The following SUSD6 variants were observed in gnomAD, a reference collection of about 807,000 sequenced individuals.
The protein encoded by SUSD6 is sushi domain containing 6, also known as sushi domain-containing protein 6.
A neutral mutation model predicts 28.4 loss-of-function variants in SUSD6; 16 were observed. The ratio of observed to expected loss-of-function variants is 0.56; its 90% CI spans 0.38 to 0.86. SUSD6 has a LOEUF of 0.86. SUSD6 is among the 40% of genes least tolerant of loss of function. The pLI is 0.00. For missense variants in SUSD6, 341 were observed against 384.2 expected, an observed-to-expected ratio of 0.89 and a Z score of 0.94; for synonymous variants, 147 against 159.6, an observed-to-expected ratio of 0.92 and a Z score of 0.59.
At chr14:69,629,961 A>T (rs540104639) in intron 1 of SUSD6, among the ~76,000 whole-genome samples, 1 of 152,174 alleles carries the variant, frequency 6.6e-6, no homozygotes, top group African/African-American at 2.4e-5. Context: ...TCTCATTTGC[A>T]TGGTTGTTGA....
chr14:69,655,071 GCATGAGC>G (rs1320934272), intron 1 of SUSD6, among the ~76,000 whole-genome samples: 1 of 151,724 alleles, frequency 6.6e-6, no homozygotes, highest in African/African-American at 2.4e-5. Context: ...GGGATTATAG[GCATGAGC>G]CACTGTGCCC....
Position 69,713,828 on chromosome 14 carries a change from T to A in SUSD6, c.*2849T>A, listed in dbSNP as rs1349376431. 6.8e-6 allele frequency: 1 copy of A among 147,090 alleles called. No individual in the cohort carries two copies. The highest frequency in any genetic ancestry group is 1.5e-5 in the Non-Finnish European group (1 of 67,364). 9.1% of individuals were successfully genotyped at this position (147,090 alleles called of 1,614,324 possible). A position where few individuals can be genotyped will look rare whatever the true frequency, so the allele number is the denominator to read the frequency against. On this transcript the variant is annotated 3_prime_UTR_variant, in exon 6 of 6. Coordinates refer to ENST00000342745, the MANE Select transcript of SUSD6 (RefSeq NM_014734.4). ...TTGGGTTTTTTTGTTTGTTTGTTGT[T>A]GGTGTTTGTTTTTTTTTTTTTTTTT...
rs1398806996 is a variant in SUSD6 at position 69,715,096 on chromosome 14, T to C, written c.*4117T>C. The C allele has an allele frequency of 1.3e-5, 2 of 152,212 alleles. No homozygotes were observed. Among genetic ancestry groups the C allele is most frequent in the African/African-American group, 2.4e-5 (1 of 41,452 alleles). 9.4% of individuals were successfully genotyped at this position (152,212 alleles called of 1,614,324 possible). ...TTAATTTAATTTTAATTGTTCTATG[T>C]ATATAACTGCATTTCTAAATAATTA... is the stretch of plus-strand genomic sequence containing the variant. On this transcript the variant is annotated 3_prime_UTR_variant, in exon 6 of 6. Coordinates refer to ENST00000342745, the MANE Select transcript of SUSD6 (RefSeq NM_014734.4).
At chr14:69,641,419 A>G (rs1163106784) in intron 1 of SUSD6, among the ~76,000 whole-genome samples, 4 of 151,768 alleles carry the variant, frequency 2.6e-5, no homozygotes, top group Non-Finnish European at 5.9e-5. Context: ...CAGTTCAGTG[A>G]TGTTCTGTTC....
chr14:69,687,944 A>T (rs1886097647), intron 2 of SUSD6, among the ~76,000 whole-genome samples: 1 of 152,016 alleles, frequency 6.6e-6, no homozygotes, highest in Admixed American at 6.6e-5. Flanking sequence ...TAGTCTCAGC[A>T]GTATAAATAC....
At chr14:69,673,600 T>C (rs1319761511) in intron 2 of SUSD6, among the ~76,000 whole-genome samples, 1 of 152,080 alleles carries the variant, frequency 6.6e-6, no homozygotes, top group Non-Finnish European at 1.5e-5. Flanking sequence ...GGCAGATGTA[T>C]CTCTTCTCCA....
intron 2 of SUSD6, among the ~76,000 whole-genome samples, chr14:69,673,118 C>A (rs1235038545): frequency 6.6e-6 from 1 of 152,200 alleles, no homozygotes; most frequent in Non-Finnish European, 1.5e-5. Flanking sequence ...AGGTTTGAAA[C>A]TCTAGAGGTC....
At chr14:69,647,890 C>T (rs1011945732) in intron 1 of SUSD6, among the ~76,000 whole-genome samples, 3 of 151,960 alleles carry the variant, frequency 2.0e-5, no homozygotes, top group South Asian at 2.1e-4. Context: ...GTGGCTGAGG[C>T]GTGAGAATCA....
chr14:69,650,385 G>C (rs781521345), intron 1 of SUSD6, among the ~76,000 whole-genome samples: 1 of 152,172 alleles, frequency 6.6e-6, no homozygotes, highest in Non-Finnish European at 1.5e-5. Flanking sequence ...GACGGCGACT[G>C]TACCTAGACC....
At chr14:69,662,976 G>T (rs1376274679) in intron 2 of SUSD6, among the ~76,000 whole-genome samples, 1 of 152,182 alleles carries the variant, frequency 6.6e-6, no homozygotes, top group Non-Finnish European at 1.5e-5. Flanking sequence ...GTTACAAGGT[G>T]CAGTAGACTT....
chr14:69,686,057 T>C (rs1886068409), intron 2 of SUSD6, among the ~76,000 whole-genome samples: 1 of 152,112 alleles, frequency 6.6e-6, no homozygotes, highest in Admixed American at 6.6e-5. Flanking sequence ...AATGGAAAAA[T>C]GAAATGACTA....
At position 69,646,100 on chromosome 14, in the gene SUSD6, G is replaced by T. The variant is rs148976369; in HGVS notation, c.-80-12413G>T. 2.6e-5 allele frequency among the ~76,000 whole-genome samples: 4 copies of T among 152,204 alleles called. No individual in the cohort carries two copies. The East Asian group carries it at 7.7e-4, about 29-fold the overall frequency. ...TGATATAATCTGCCTTCACCACTCCGATAAAACTGTTCTTGATTAGGTCAC... is the reference window on the plus strand; with the variant it reads ...TGATATAATCTGCCTTCACCACTCCTATAAAACTGTTCTTGATTAGGTCAC... On this transcript the variant is annotated intron_variant, in intron 1 of 5. Transcript: ENST00000342745.
chr14:69,683,171 G>T (rs1473219159), intron 2 of SUSD6, among the ~76,000 whole-genome samples: 1 of 152,050 alleles, frequency 6.6e-6, no homozygotes, highest in Non-Finnish European at 1.5e-5. Context: ...CTCAGAGTTT[G>T]CCACGACTGG....
At chr14:69,700,207 A>G (rs750289227) in intron 2 of SUSD6, among the ~76,000 whole-genome samples, 3 of 152,188 alleles carry the variant, frequency 2.0e-5, no homozygotes, top group African/African-American at 4.8e-5. Context: ...TAGAAAAGAA[A>G]TGATTTTGAG....
At chr14:69,687,827 A>T (rs1196930583) in intron 2 of SUSD6, among the ~76,000 whole-genome samples, 2 of 152,058 alleles carry the variant, frequency 1.3e-5, no homozygotes, top group African/African-American at 2.4e-5. Flanking sequence ...CCAGCTGGGG[A>T]TGTCTGGCTT....
intron 1 of SUSD6, among the ~76,000 whole-genome samples, chr14:69,639,499 T>C (rs978289049): frequency 6.6e-6 from 1 of 152,036 alleles, no homozygotes; most frequent in African/African-American, 2.4e-5. Context: ...AAACCAGATA[T>C]CTTAATTCCC....
chr14:69,696,869 G>A (rs961982511), intron 2 of SUSD6, among the ~76,000 whole-genome samples: 1 of 152,232 alleles, frequency 6.6e-6, no homozygotes, highest in Non-Finnish European at 1.5e-5. Flanking sequence ...AAAGAATTCA[G>A]GGCGAGTCCA....
chr14:69,686,198 C>T (rs1032459362), intron 2 of SUSD6, among the ~76,000 whole-genome samples: 1 of 152,194 alleles, frequency 6.6e-6, no homozygotes, highest in Non-Finnish European at 1.5e-5. Flanking sequence ...CAGCCCTGCT[C>T]AGTTGTGAAG....
At chr14:69,643,430 G>A (rs970903791) in intron 1 of SUSD6, among the ~76,000 whole-genome samples, 5 of 152,164 alleles carry the variant, frequency 3.3e-5, no homozygotes, top group East Asian at 1.9e-4. Flanking sequence ...CTTGCTGAAC[G>A]TGGTATAATC....
Sources: gnomAD v4.1 joint callset for allele counts (sites outside exome capture counted in the v4.1 genomes callset) on GRCh38, gnomAD v4.1.1 for gene constraint, MANE v1.5 for transcripts, NCBI Gene and HGNC (gene_info 2026-07-23, HGNC 2026-07-21) for gene names.